The following CCDC7 variants were observed in gnomAD, a reference collection of about 807,000 sequenced individuals.
CCDC7 encodes coiled-coil domain-containing protein 7.
In CCDC7, 183 loss-of-function variants were observed where a neutral mutation model predicts 196.9. The ratio of observed to expected loss-of-function variants is 0.93; its 90% confidence interval spans 0.82 to 1.05. The LOEUF is 1.05. CCDC7 is among the 50% of genes least tolerant of loss of function. The pLI, the probability that CCDC7 is intolerant of heterozygous loss-of-function variation, is 0.00. For missense variants in CCDC7, 1,540 were observed against 1,482.2 expected (o/e 1.04, Z -0.64); for synonymous variants, 525 against 484.6 (o/e 1.08, Z -1.10).
intron 18 of CCDC7, among the ~76,000 whole-genome samples, chr10:32,628,430 A>C (rs919161154): frequency 6.6e-6 from 1 of 151,832 alleles, no homozygotes; most frequent in African/African-American, 2.4e-5. Flanking sequence ...AGGTTTTTAA[A>C]ACTTTACCAT....
chr10:32,646,656 G>A (rs945141789), intron 20 of CCDC7, among the ~76,000 whole-genome samples: 30 of 152,298 alleles, frequency 2.0e-4, no homozygotes, highest in African/African-American at 6.5e-4. Context: ...ATGTTACACA[G>A]TACTCAGGTT....
intron 29 of CCDC7, among the ~76,000 whole-genome samples, chr10:32,784,660 C>T (rs1488143602): frequency 1.3e-5 from 2 of 152,046 alleles, no homozygotes; most frequent in Non-Finnish European, 2.9e-5. Flanking sequence ...CAACCTTCGC[C>T]TCCCGGATTC....
At chr10:32,559,190 A>G (rs1267311464) in intron 13 of CCDC7, among the ~76,000 whole-genome samples, 12 of 152,248 alleles carry the variant, frequency 7.9e-5, no homozygotes, top group Admixed American at 7.9e-4. Flanking sequence ...GGAGCCCACC[A>G]CAGCTCAAGG....
At chr10:32,546,776 A>G (rs1194050239) in intron 13 of CCDC7, among the ~76,000 whole-genome samples, 2 of 152,146 alleles carry the variant, frequency 1.3e-5, no homozygotes, top group Admixed American at 6.5e-5. Context: ...CTATGCTGTA[A>G]TCAACTTATG....
chr10:32,709,862 C>G (rs1397724325), intron 24 of CCDC7, among the ~76,000 whole-genome samples: 3 of 151,918 alleles, frequency 2.0e-5, no homozygotes, highest in South Asian at 2.1e-4. Flanking sequence ...TGTTAAAAAT[C>G]TTATCATTGA....
chr10:32,707,364 A>G (rs2079966641), intron 24 of CCDC7, among the ~76,000 whole-genome samples: 1 of 152,202 alleles, frequency 6.6e-6, no homozygotes, highest in Non-Finnish European at 1.5e-5. Flanking sequence ...AGCCAATATC[A>G]TACTGAGTGG....
intron 16 of CCDC7, among the ~76,000 whole-genome samples, chr10:32,578,273 G>A (rs1322555430): frequency 6.6e-6 from 1 of 152,010 alleles, no homozygotes; most frequent in African/African-American, 2.4e-5. Flanking sequence ...CTTTAAAGCA[G>A]CAGTTTCCTG....
In CCDC7 at chr10:32,543,305, TA is replaced by T; in HGVS notation, c.1001del (p.Lys334SerfsTer11). On this transcript the variant is annotated frameshift_variant, in exon 12 of 42. Coordinates refer to ENST00000639629, the Ensembl canonical transcript of CCDC7. LOFTEE classifies it high-confidence loss of function. The stretch of plus-strand genomic sequence containing the variant: ...GCTTATGTAAAATTATACAGAAAAC[TA>T]AGCCTACAAATAATCGAACAAAGAA... 7.0e-7 allele frequency: 1 copy of T among 1,434,640 alleles called. No homozygotes were observed. The highest frequency in any genetic ancestry group is 9.3e-7 in the Non-Finnish European group (1 of 1,077,450). 88.9% of individuals were successfully genotyped at this position (1,434,640 alleles called of 1,614,324 possible).
At position 32,492,004 on chromosome 10, in the gene CCDC7, T is replaced by G; in HGVS notation, c.872+7T>G. The G allele has an allele frequency of 6.6e-7, 1 of 1,526,458 alleles. No homozygotes were observed. Among genetic ancestry groups the G allele is most frequent in the Non-Finnish European group, 8.7e-7 (1 of 1,145,086 alleles). 94.6% of individuals were successfully genotyped at this position (1,526,458 alleles called of 1,614,324 possible). Reference sequence around the variant, plus strand: ...AGGCAAATATGTTGGAGAGGTAAGCTTTTTTGTTTTTGCATTTTATTATTT... The same window carrying G: ...AGGCAAATATGTTGGAGAGGTAAGCGTTTTTGTTTTTGCATTTTATTATTT... On this transcript the variant is annotated splice_region_variant and intron_variant, in intron 9 of 41. Coordinates refer to ENST00000639629, the Ensembl canonical transcript of CCDC7.
chr10:32,446,565 T>TCCCCTGCCAA (rs1460228806), intron 1 of CCDC7, 168 bp downstream of exon 1: 1 of 152,074 alleles, frequency 6.6e-6, no homozygotes, highest in African/African-American at 2.4e-5. Flanking sequence ...TTTCCCTACG[T>TCCCCTGCCAA]CCCCTGCCAA....
chr10:32,709,268 C>T (rs574760667), intron 24 of CCDC7, among the ~76,000 whole-genome samples: 100 of 138,038 alleles, frequency 7.2e-4, no homozygotes, highest in African/African-American at 2.6e-3. Context: ...GGGAATTGAA[C>T]AATGAGAACA....
chr10:32,677,371 TA>T (rs899306053), intron 21 of CCDC7, among the ~76,000 whole-genome samples: 55 of 142,932 alleles, frequency 3.8e-4, no homozygotes, highest in African/African-American at 1.2e-3. Flanking sequence ...ATAATAATAA[TA>T]AAAAAAAAGA....
intron 29 of CCDC7, among the ~76,000 whole-genome samples, chr10:32,797,443 C>T (rs1360423765): frequency 1.3e-5 from 2 of 151,850 alleles, no homozygotes; most frequent in African/African-American, 2.4e-5. Context: ...TGTTCTCACT[C>T]ATAAGTGGGA....
At chr10:32,730,336 G>A (rs571805448) in intron 28 of CCDC7, among the ~76,000 whole-genome samples, 3 of 151,894 alleles carry the variant, frequency 2.0e-5, no homozygotes, top group Middle Eastern at 6.8e-3. Flanking sequence ...TTTTTTAGGT[G>A]CAATTATATC....
rs148982402 is a variant in CCDC7 at position 32,621,494 on chromosome 10, A to G, written c.1802-12760A>G. 2.7e-3 allele frequency among the ~76,000 whole-genome samples: 409 copies of G among 152,300 alleles called. 5 individuals are homozygous for G. Among genetic ancestry groups the G allele is most frequent in the Non-Finnish European group, 1.7e-3 (114 of 68,020 alleles). ...TGTCTATATCTCTATCAATATATAG[A>G]TACACATGAGGATATTTATTATGAG... On this transcript the variant is annotated intron_variant, in intron 18 of 41. Transcript: ENST00000639629.
At chr10:32,747,003 C>T (rs575675578) in intron 28 of CCDC7, among the ~76,000 whole-genome samples, 3 of 152,314 alleles carry the variant, frequency 2.0e-5, no homozygotes, top group Non-Finnish European at 2.9e-5. Flanking sequence ...CTGGCACATG[C>T]GGGGACCCTG....
At chr10:32,715,168 GT>G (rs1473133497) in intron 25 of CCDC7, among the ~76,000 whole-genome samples, 1 of 152,178 alleles carries the variant, frequency 6.6e-6, no homozygotes, top group African/African-American at 2.4e-5. Flanking sequence ...CATCTGGCCG[GT>G]GCCCCTCTGG....
chr10:32,826,742 G>C (rs1005608593), intron 32 of CCDC7, among the ~76,000 whole-genome samples: 1 of 152,244 alleles, frequency 6.6e-6, no homozygotes, highest in Non-Finnish European at 1.5e-5. Context: ...CCACTCGAAA[G>C]TGGACAGCTG....
At chr10:32,819,390 G>T (rs1032835879) in intron 31 of CCDC7, among the ~76,000 whole-genome samples, 1 of 152,140 alleles carries the variant, frequency 6.6e-6, no homozygotes, top group Admixed American at 6.5e-5. Flanking sequence ...AGAGGTAAAA[G>T]GTGGAGCTGT....
Sources: allele counts gnomAD v4.1 joint callset (sites outside exome capture counted in the v4.1 genomes callset), GRCh38; gene constraint gnomAD v4.1.1; transcripts MANE v1.5; gene names NCBI Gene and HGNC (gene_info 2026-07-23, HGNC 2026-07-21).